The following PLXDC2 variants were observed in gnomAD, a reference collection of about 807,000 sequenced individuals.
PLXDC2 encodes plexin domain-containing protein 2.
A neutral mutation model predicts 68.9 loss-of-function variants in PLXDC2; 40 were observed. The observed-to-expected ratio is 0.58, with a 90% CI of 0.45 to 0.76. The LOEUF (loss-of-function observed/expected upper bound fraction) is 0.76, where lower values mean the gene tolerates loss of function less well. Among genes scored for constraint, PLXDC2 ranks in the 30% least tolerant of loss-of-function variants. PLXDC2 has a pLI of 0.00. For missense variants in PLXDC2, 644 were observed against 661.9 expected, an observed-to-expected ratio of 0.97 and a Z score of 0.30; for synonymous variants, 243 against 234.2, an observed-to-expected ratio of 1.04 and a Z score of -0.34.
At chr10:19,954,294 T>C (rs1438678608) in intron 1 of PLXDC2, among the ~76,000 whole-genome samples, 1 of 152,230 alleles carries the variant, frequency 6.6e-6, no homozygotes, top group Admixed American at 6.5e-5. Context: ...AATCTTTTAT[T>C]ATCCTTATGG....
chr10:19,934,066 A>G lies in PLXDC2; in HGVS notation c.113-67709A>G, dbSNP rs183482713. 3.3e-5 allele frequency among the ~76,000 whole-genome samples: 5 copies of G among 152,276 alleles called. No homozygotes were observed. In the East Asian group the frequency reaches 9.6e-4, roughly 29 times the overall value. On this transcript the variant is annotated intron_variant, in intron 1 of 13. Coordinates refer to ENST00000377252, the MANE Select transcript of PLXDC2 (RefSeq NM_032812.9). Reference sequence around the variant, plus strand: ...CTCTCATTCCTTACTTTTTCTTCCAATTTTAAGTCTGAAAAGAAGAGCTAG... The same window carrying G: ...CTCTCATTCCTTACTTTTTCTTCCAGTTTTAAGTCTGAAAAGAAGAGCTAG...
At chr10:20,040,463 A>G (rs77956866) in intron 2 of PLXDC2, among the ~76,000 whole-genome samples, 3 of 152,120 alleles carry the variant, frequency 2.0e-5, no homozygotes, top group African/African-American at 7.2e-5. Context: ...ACGTGTTTCT[A>G]CTTTCATGAA....
intron 13 of PLXDC2, among the ~76,000 whole-genome samples, chr10:20,258,823 C>T (rs1835775264): frequency 1.3e-5 from 2 of 151,908 alleles, no homozygotes; most frequent in Admixed American, 6.6e-5. Flanking sequence ...CTGGCTAACA[C>T]GGTGAAACCC....
chr10:19,906,496 A>G (rs1046560427), intron 1 of PLXDC2, among the ~76,000 whole-genome samples: 1 of 152,184 alleles, frequency 6.6e-6, no homozygotes, highest in Non-Finnish European at 1.5e-5. Context: ...TCTGTGGCAT[A>G]GGGACTGTCC....
chr10:19,960,294 T>A (rs1420216366), intron 1 of PLXDC2, among the ~76,000 whole-genome samples: 2 of 151,426 alleles, frequency 1.3e-5, no homozygotes, highest in Non-Finnish European at 2.9e-5. Flanking sequence ...AGTCCTGGAG[T>A]TCCAGGTCAC....
At chr10:19,998,672 G>A (rs964602997) in intron 1 of PLXDC2, among the ~76,000 whole-genome samples, 1 of 152,162 alleles carries the variant, frequency 6.6e-6, no homozygotes, top group Non-Finnish European at 1.5e-5. Context: ...GAGCAAGCAA[G>A]AGATCTGTTT....
chr10:19,965,946 G>C (rs1589560227), intron 1 of PLXDC2, among the ~76,000 whole-genome samples: 2 of 152,206 alleles, frequency 1.3e-5, no homozygotes, highest in Middle Eastern at 3.4e-3. Flanking sequence ...TCTAGAAGAT[G>C]CTTCTTTTAG....
chr10:20,069,990 T>G (rs190179170), intron 4 of PLXDC2, among the ~76,000 whole-genome samples: 33 of 152,302 alleles, frequency 2.2e-4, no homozygotes, highest in African/African-American at 7.5e-4. Flanking sequence ...TGTCAGAATT[T>G]CTACGGTTGT....
rs531749916 is a variant in PLXDC2, at chr10:19,838,587, T to C, written c.112+21396T>C. Among the ~76,000 whole-genome samples, 4 of 152,308 alleles carry C rather than the reference T, an allele frequency of 2.6e-5. No individual in the cohort carries two copies. In the South Asian group the frequency reaches 8.3e-4, roughly 32 times the overall value. ...AACTGAAGTCAATTATTCAGTCTTA[T>C]AGAACAAAGATAGAAATGTTTGCTA... On this transcript the variant is annotated intron_variant, in intron 1 of 13. Coordinates refer to ENST00000377252, the MANE Select transcript of PLXDC2 (RefSeq NM_032812.9).
At chr10:19,947,707 C>CTTTTTTTTTTTTTTTTTTTCTTTTTTT (rs34439585) in intron 1 of PLXDC2, among the ~76,000 whole-genome samples, 1 of 120,974 alleles carries the variant, frequency 8.3e-6, no homozygotes, top group Non-Finnish European at 1.7e-5. Context: ...TTCTTTCTTT[C>CTTTTTTTTTTTTTTTTTTTCTTTTTTT]TTTTTTTTTT....
intron 4 of PLXDC2, among the ~76,000 whole-genome samples, chr10:20,081,887 T>G (rs1836565046): frequency 6.7e-6 from 1 of 150,022 alleles, no homozygotes; most frequent in African/African-American, 2.4e-5. Flanking sequence ...AGAAAAAAAT[T>G]TTAAAAAATT....
At chr10:20,209,696 C>T (rs1835042555) in intron 9 of PLXDC2, among the ~76,000 whole-genome samples, 1 of 152,024 alleles carries the variant, frequency 6.6e-6, no homozygotes, top group African/African-American at 2.4e-5. Context: ...TCAAGGCGCC[C>T]AGATGTCATA....
chr10:20,185,160 GAAA>G lies in PLXDC2; in HGVS notation c.1061+7776_1061+7778del, dbSNP rs11307851. 3.1e-3 allele frequency among the ~76,000 whole-genome samples: 176 copies of G among 56,002 alleles called. 2 individuals carry two copies. In the Middle Eastern group the frequency reaches 0.054, roughly 17 times the overall value. The allele number at this position is 56,002 out of a possible 152,430, so 36.7% of individuals were successfully genotyped here. A position where few individuals can be genotyped will look rare whatever the true frequency, so the allele number is the denominator to read the frequency against. The stretch of plus-strand genomic sequence containing the variant: ...TGCACATACATCCCAGAACTGAAAG[GAAA>G]AAAAAAAAAAAAAAAAAAAAAAAAC... On this transcript the variant is annotated intron_variant, in intron 9 of 13. Coordinates refer to ENST00000377252, the MANE Select transcript of PLXDC2 (RefSeq NM_032812.9).
intron 6 of PLXDC2, among the ~76,000 whole-genome samples, chr10:20,154,060 A>T (rs561700133): frequency 9.2e-5 from 14 of 152,262 alleles, no homozygotes; most frequent in Admixed American, 2.6e-4. Context: ...GCCAAAAAAA[A>T]ACCGGATCCT....
At chr10:19,892,212 A>G (rs1380187117) in intron 1 of PLXDC2, among the ~76,000 whole-genome samples, 3 of 152,214 alleles carry the variant, frequency 2.0e-5, no homozygotes, top group Non-Finnish European at 4.4e-5. Context: ...GCCACTGTCT[A>G]AGGGCTCTTA....
At chr10:20,279,626 T>C (rs1564374875) in intron 13 of PLXDC2, 77 bp from the exon 14 acceptor site, 2 of 1,077,328 alleles carry the variant, frequency 1.9e-6, no homozygotes, top group Non-Finnish European at 1.4e-6. Flanking sequence ...TAATCTAAAA[T>C]AGCTAGCAAA....
intron 1 of PLXDC2, among the ~76,000 whole-genome samples, chr10:19,928,819 A>G (rs117949144): frequency 0.038 from 5,588 of 148,564 alleles, 212 homozygotes; most frequent in East Asian, 0.17. Flanking sequence ...CAGTGGCCCA[A>G]TCTTGGCTCA....
intron 2 of PLXDC2, among the ~76,000 whole-genome samples, chr10:20,021,557 T>G (rs1835309515): frequency 6.6e-6 from 1 of 152,138 alleles, no homozygotes; most frequent in African/African-American, 2.4e-5. Flanking sequence ...ATCCTCATCC[T>G]GACCTCTGTA....
intron 1 of PLXDC2, among the ~76,000 whole-genome samples, chr10:19,935,732 C>T (rs1260829114): frequency 6.6e-6 from 1 of 152,178 alleles, no homozygotes; most frequent in Non-Finnish European, 1.5e-5. Flanking sequence ...CAAGGAAGTG[C>T]AGCAAACCCA....
Sources: gnomAD v4.1 joint callset for allele counts (sites outside exome capture counted in the v4.1 genomes callset) on GRCh38, gnomAD v4.1.1 for gene constraint, MANE v1.5 for transcripts, NCBI Gene and HGNC (gene_info 2026-07-23, HGNC 2026-07-21) for gene names.